Variants in MALRD1 observed in about 807,000 individuals in gnomAD.
MALRD1 encodes the protein MAM and LDL-receptor class A domain-containing protein 1.
In MALRD1, 247 loss-of-function variants were observed where a neutral mutation model predicts 242.1. The ratio of observed to expected loss-of-function variants is 1.02; its 90% confidence interval spans 0.92 to 1.13. The LOEUF is 1.13. Among genes scored for constraint, MALRD1 ranks in the 50% most tolerant of loss-of-function variants. The probability of loss-of-function intolerance (pLI) is 0.00; values close to 1 mark genes in which losing one functional copy is unlikely to be tolerated. For missense variants in MALRD1, 2,989 were observed against 2,533.1 expected, an observed-to-expected ratio of 1.18 and a Z score of -3.86; for synonymous variants, 995 against 866.6, an observed-to-expected ratio of 1.15 and a Z score of -2.60.
intron 33 of MALRD1, among the ~76,000 whole-genome samples, chr10:19,581,481 G>C (rs1258771888): frequency 6.6e-6 from 1 of 151,168 alleles, no homozygotes; most frequent in African/African-American, 2.4e-5. Flanking sequence ...TTGGTATTTT[G>C]TTCTTGTGAC....
chr10:19,065,287 C>CAAAAAAAAAAAAAAAAA (rs1197670439), intron 1 of MALRD1, among the ~76,000 whole-genome samples: 38 of 50,610 alleles, frequency 7.5e-4, no homozygotes, highest in East Asian at 2.8e-3. Flanking sequence ...AACGCTGTCT[C>CAAAAAAAAAAAAAAAAA]AAAAAAAAAA....
chr10:19,449,011 ATAAT>A (rs1239190103), intron 28 of MALRD1, among the ~76,000 whole-genome samples: 1 of 152,170 alleles, frequency 6.6e-6, no homozygotes, highest in Non-Finnish European at 1.5e-5. Context: ...TACAACCTGA[ATAAT>A]TACACAATAT....
chr10:19,432,389 A>T (rs1451949377), intron 28 of MALRD1, among the ~76,000 whole-genome samples: 1 of 152,172 alleles, frequency 6.6e-6, no homozygotes, highest in Non-Finnish European at 1.5e-5. Context: ...AATTAAGATT[A>T]TTTTTTACCT....
rs538898633 is a variant in MALRD1, at chr10:19,543,418, A to C, written c.5478+12067A>C. 2.3e-5 allele frequency among the ~76,000 whole-genome samples: 3 copies of C among 132,018 alleles called. No homozygotes were observed. The South Asian group carries it at 7.3e-4, about 32-fold the overall frequency. 86.6% of individuals were successfully genotyped at this position (132,018 alleles called of 152,430 possible). A position where few individuals can be genotyped will look rare whatever the true frequency, so the allele number is the denominator to read the frequency against. On this transcript the variant is annotated intron_variant, in intron 32 of 39. Coordinates refer to ENST00000454679, the MANE Select transcript of MALRD1 (RefSeq NM_001142308.3). ...AGCTGGGACTACAGATGTAAAAATC[A>C]TGCCCAGCTGATTTCTTTTTTTTTT...
intron 21 of MALRD1, among the ~76,000 whole-genome samples, chr10:19,288,507 C>G (rs531182653): frequency 3.3e-5 from 5 of 151,998 alleles, no homozygotes; most frequent in African/African-American, 1.2e-4. Flanking sequence ...ATTTTCTTTA[C>G]ATTTTTCCTT....
chr10:19,237,457 C>T (rs1838372017), intron 18 of MALRD1, among the ~76,000 whole-genome samples: 1 of 144,412 alleles, frequency 6.9e-6, no homozygotes, highest in Admixed American at 7.2e-5. Context: ...GTTGTTGCAA[C>T]TGGCAGAATT....
In MALRD1 at chr10:19,087,899, G is replaced by A. The variant is rs1017497893; in HGVS notation, c.400G>A (p.Val134Ile). Reference sequence around the variant, plus strand: ...TATTTCCTCAAGTTTAAGAAGCAGAGTTTTCCTTCCAACAAATGATCAACA... The same window carrying A: ...TATTTCCTCAAGTTTAAGAAGCAGAATTTTCCTTCCAACAAATGATCAACA... ...DSISSSLRSR[V>I]FLPTNDQHDC... Residue 134 changes from valine (V) to isoleucine (I), a missense_variant, in exon 3 of 40, where the codon GTT (valine) becomes ATT (isoleucine). Transcript: ENST00000454679. The A allele has an allele frequency of 2.4e-6, 3 of 1,233,192 alleles. No individual in the cohort carries two copies. The highest frequency in any genetic ancestry group is 2.0e-6 in the Non-Finnish European group (2 of 987,784). 76.4% of individuals were successfully genotyped at this position (1,233,192 alleles called of 1,614,324 possible). A position where few individuals can be genotyped will look rare whatever the true frequency, so the allele number is the denominator to read the frequency against.
chr10:19,364,237 A>G (rs1469255473), intron 26 of MALRD1, among the ~76,000 whole-genome samples: 1 of 152,162 alleles, frequency 6.6e-6, no homozygotes, highest in East Asian at 1.9e-4. Flanking sequence ...ACCTAGCAAT[A>G]TAATTGTTTA....
At chr10:19,675,207 G>A (rs912850127) in intron 36 of MALRD1, among the ~76,000 whole-genome samples, 5 of 152,040 alleles carry the variant, frequency 3.3e-5, no homozygotes, top group Admixed American at 6.6e-5. Flanking sequence ...CCACACAAGA[G>A]CACATGATTT....
At chr10:19,721,377 G>T (rs1834742746) in intron 38 of MALRD1, among the ~76,000 whole-genome samples, 1 of 152,044 alleles carries the variant, frequency 6.6e-6, no homozygotes, top group African/African-American at 2.4e-5. Flanking sequence ...TTACTTCTGT[G>T]GGACAACTCA....
chr10:19,705,690 T>TTCC lies in MALRD1; in HGVS notation c.6314+13153_6314+13155dup, dbSNP rs371941438. ...CTTTCTATTCCTCCTGCGCCACCTA[T>TTCC]TCCTCCTCCTCCTCCTCCTTTTTTC... On this transcript the variant is annotated intron_variant, in intron 38 of 39. Transcript: ENST00000454679. Among the ~76,000 whole-genome samples, 390 of 151,092 alleles carry TTCC rather than the reference T, an allele frequency of 2.6e-3. 2 individuals carry two copies. Among genetic ancestry groups the TTCC allele is most frequent in the African/African-American group, 8.5e-3 (351 of 41,160 alleles).
chr10:19,632,102 C>T (rs928450466), intron 36 of MALRD1, among the ~76,000 whole-genome samples: 1 of 152,080 alleles, frequency 6.6e-6, no homozygotes, highest in Non-Finnish European at 1.5e-5. Flanking sequence ...GTTGAAAGAA[C>T]AACACATTGA....
intron 18 of MALRD1, among the ~76,000 whole-genome samples, chr10:19,252,129 G>T (rs1343469686): frequency 1.3e-5 from 2 of 152,060 alleles, no homozygotes; most frequent in Non-Finnish European, 2.9e-5. Flanking sequence ...AGTAGGTGAA[G>T]TTTAAAATAA....
At chr10:19,151,408 T>A (rs1384670726) in intron 11 of MALRD1, among the ~76,000 whole-genome samples, 2 of 152,134 alleles carry the variant, frequency 1.3e-5, no homozygotes, top group African/African-American at 2.4e-5. Flanking sequence ...TAATTTTATT[T>A]ATCATAGCTA....
chr10:19,072,586 A>G (rs1299111554), intron 2 of MALRD1, among the ~76,000 whole-genome samples: 1 of 152,104 alleles, frequency 6.6e-6, no homozygotes, highest in Non-Finnish European at 1.5e-5. Context: ...AGCATTTTAT[A>G]TCTGACACTA....
chr10:19,553,359 C>T (rs1269765385), intron 32 of MALRD1, among the ~76,000 whole-genome samples: 1 of 151,850 alleles, frequency 6.6e-6, no homozygotes, highest in Non-Finnish European at 1.5e-5. Flanking sequence ...CTCATGTTAT[C>T]AATACATTTT....
chr10:19,645,198 A>T (rs1271973055), intron 36 of MALRD1, among the ~76,000 whole-genome samples: 1 of 152,192 alleles, frequency 6.6e-6, no homozygotes, highest in Non-Finnish European at 1.5e-5. Context: ...CACACCAATT[A>T]GAATGGCGAT....
At chr10:19,584,072 C>A (rs1405667906) in intron 33 of MALRD1, among the ~76,000 whole-genome samples, 1 of 149,694 alleles carries the variant, frequency 6.7e-6, no homozygotes. Context: ...GTGGTGATAT[C>A]CCCTTTATCA....
chr10:19,273,145 C>G (rs959777514), intron 19 of MALRD1, among the ~76,000 whole-genome samples: 1 of 152,074 alleles, frequency 6.6e-6, no homozygotes, highest in Admixed American at 6.5e-5. Context: ...TACACTCCCA[C>G]CCAAAATATT....
Sources: allele counts gnomAD v4.1 joint callset (sites outside exome capture counted in the v4.1 genomes callset), GRCh38; gene constraint gnomAD v4.1.1; transcripts MANE v1.5; gene names NCBI Gene and HGNC (gene_info 2026-07-23, HGNC 2026-07-21).